The following ZCCHC14 variants were observed in gnomAD, a reference collection of about 807,000 sequenced individuals.
ZCCHC14 encodes the protein zinc finger CCHC domain-containing protein 14.
Under a neutral mutation model 85.0 loss-of-function variants are expected in ZCCHC14, and 16 were observed. The ratio of observed to expected loss-of-function variants is 0.19; its 90% CI spans 0.13 to 0.29. The LOEUF is 0.29. Ranked by LOEUF, ZCCHC14 falls within the 10% of genes least tolerant of loss-of-function variation. The pLI is 1.00. For synonymous variants in ZCCHC14, 775 were observed against 630.7 expected, an observed-to-expected ratio of 1.23 and a Z score of -3.43; for missense variants, 1,303 against 1,443.5, an observed-to-expected ratio of 0.90 and a Z score of 1.58.
chr16:87,420,545 A>T lies in ZCCHC14; in HGVS notation c.950+62T>A, dbSNP rs940295450. 3.6e-6 allele frequency: 5 copies of T among 1,393,930 alleles called. No homozygotes were observed. The African/African-American group carries it at 7.1e-5, about 20-fold the overall frequency. The allele number at this position is 1,393,930 out of a possible 1,614,324, so 86.3% of individuals were successfully genotyped here. On this transcript the variant is annotated intron_variant, in intron 5 of 12. Transcript: ENST00000671377. The surrounding 1 kb of genome is among the most constrained non-coding windows in gnomAD (Gnocchi z 5.0). ...AGCTCCTTGGAGGACCACAGCATTG[A>T]CCACAGGACCAGCCTGTCCTTGCCA...
Position 87,491,432 on chromosome 16 carries a change from G to C in ZCCHC14, c.570+237C>G, listed in dbSNP as rs1182891365. On this transcript the variant is annotated intron_variant, in intron 1 of 12. Coordinates refer to ENST00000671377, the MANE Select transcript of ZCCHC14 (RefSeq NM_015144.3). The surrounding 1 kb of genome is among the most constrained non-coding windows in gnomAD (Gnocchi z 5.9). ...CTTGGGATGTACGGCGGAGGCTTGG[G>C]ATGTACGGTGGAGGCTTGGAGAGGT... Among the ~76,000 whole-genome samples the C allele has an allele frequency of 6.7e-6, 1 of 149,284 alleles. No homozygotes were observed. Among genetic ancestry groups the C allele is most frequent in the Admixed American group, 6.6e-5 (1 of 15,134 alleles).
chr16:87,487,800 G>A lies in ZCCHC14; in HGVS notation c.570+3869C>T, dbSNP rs569128735. Among the ~76,000 whole-genome samples, 12 of 152,372 alleles carry A rather than the reference G, an allele frequency of 7.9e-5. No individual in the cohort carries two copies. In the South Asian group the frequency reaches 2.1e-3, roughly 26 times the overall value. ...TCTTCACACAGGGGAACGCCACTCG[G>A]CAGCGAAAGAGGAGGAAGTGCTGAC... On this transcript the variant is annotated intron_variant, in intron 1 of 12. Coordinates refer to ENST00000671377, the MANE Select transcript of ZCCHC14 (RefSeq NM_015144.3).
rs1467056113 is a variant in ZCCHC14, at chr16:87,420,974, G to C, written c.841-258C>G. ...ATCACAATGTTCCTTGAGCCCATCT[G>C]AGAGTTGCTGGGCCACTAAGTCAAC... On this transcript the variant is annotated intron_variant, in intron 4 of 12. Transcript: ENST00000671377. The surrounding 1 kb of genome is among the most constrained non-coding windows in gnomAD (Gnocchi z 5.0). 6.6e-6 allele frequency among the ~76,000 whole-genome samples: 1 copy of C among 152,256 alleles called. No homozygotes were observed. Among genetic ancestry groups the C allele is most frequent in the Non-Finnish European group, 1.5e-5 (1 of 68,044 alleles).
At chr16:87,451,019 C>G (rs1206937492) in intron 2 of ZCCHC14, among the ~76,000 whole-genome samples, 2 of 150,056 alleles carry the variant, frequency 1.3e-5, no homozygotes, top group East Asian at 4.0e-4. Context: ...CTGCCTTAGC[C>G]TCCCGAGTAG....
intron 1 of ZCCHC14, among the ~76,000 whole-genome samples, chr16:87,485,346 T>C (rs541566785): frequency 6.6e-6 from 1 of 152,376 alleles, no homozygotes; most frequent in Non-Finnish European, 1.5e-5. Flanking sequence ...TTGTTAGTTC[T>C]GGATGATCTC....
In ZCCHC14 at chr16:87,452,050, C is replaced by G. The variant is rs543089720; in HGVS notation, c.694+7958G>C. ...TGAGCCACCACGGACAAGCCGTAAG[C>G]AGGGGCGTGCAGTGACGCAGTGTGT... On this transcript the variant is annotated intron_variant, in intron 2 of 12. Transcript: ENST00000671377. Among the ~76,000 whole-genome samples the G allele has an allele frequency of 3.3e-5, 5 of 152,326 alleles. No individual in the cohort carries two copies. In the South Asian group the frequency reaches 1.0e-3, roughly 32 times the overall value.
intron 1 of ZCCHC14, among the ~76,000 whole-genome samples, chr16:87,475,484 C>T (rs996069701): frequency 7.8e-5 from 11 of 141,734 alleles, no homozygotes; most frequent in Non-Finnish European, 1.3e-4. Context: ...ACCCAGGAGT[C>T]GGAGGTTGCA....
intron 1 of ZCCHC14, among the ~76,000 whole-genome samples, chr16:87,481,151 G>A (rs1010980103): frequency 1.3e-5 from 2 of 152,138 alleles, no homozygotes; most frequent in African/African-American, 4.8e-5. Flanking sequence ...GTTACAGCGG[G>A]CAGACCCAGG....
chr16:87,418,713 C>T, intron 7 of ZCCHC14, 134 bp downstream of exon 7: 1 of 919,138 alleles, frequency 1.1e-6, no homozygotes, highest in Admixed American at 2.1e-5. Context: ...ATCATCTCTA[C>T]TCAATTCTTC....
At chr16:87,486,658 A>AAAAAAT (rs1000994830) in intron 1 of ZCCHC14, among the ~76,000 whole-genome samples, 2 of 152,356 alleles carry the variant, frequency 1.3e-5, no homozygotes, top group African/African-American at 2.4e-5. Context: ...GCAGCTGGCC[A>AAAAAAT]AAAAATAAAA....
chr16:87,442,903 G>C (rs372240247), intron 2 of ZCCHC14, among the ~76,000 whole-genome samples: 1 of 152,210 alleles, frequency 6.6e-6, no homozygotes, highest in East Asian at 1.9e-4. Context: ...TCTACATCCA[G>C]TCAAGGTGAA....
At chr16:87,478,494 G>A (rs1256984089) in intron 1 of ZCCHC14, among the ~76,000 whole-genome samples, 1 of 152,182 alleles carries the variant, frequency 6.6e-6, no homozygotes, top group African/African-American at 2.4e-5. Context: ...ATCTCCCAGA[G>A]GTGGTGTGCA....
At chr16:87,490,451 T>TC (rs1213381061) in intron 1 of ZCCHC14, among the ~76,000 whole-genome samples, 5 of 152,356 alleles carry the variant, frequency 3.3e-5, no homozygotes, top group African/African-American at 1.2e-4. Context: ...AGTAATCTCT[T>TC]CCGGCAGCAA....
intron 2 of ZCCHC14, among the ~76,000 whole-genome samples, chr16:87,447,615 C>T (rs1910505392): frequency 6.6e-6 from 1 of 152,204 alleles, no homozygotes; most frequent in Non-Finnish European, 1.5e-5. Flanking sequence ...TACTCATGGA[C>T]ATCTGGGTTG....
chr16:87,430,524 C>CTT (rs142361433), intron 3 of ZCCHC14, among the ~76,000 whole-genome samples: 4 of 143,248 alleles, frequency 2.8e-5, no homozygotes, highest in Non-Finnish European at 3.1e-5. Context: ...TGATTTCTTT[C>CTT]TTTTTTTTTT....
rs1272164466 is a variant in ZCCHC14 at position 87,411,949 on chromosome 16, C to T, written c.2772G>A (p.Val924=). 1.2e-6 allele frequency: 2 copies of T among 1,606,154 alleles called. No individual in the cohort carries two copies. The highest frequency in any genetic ancestry group is 1.7e-6 in the Non-Finnish European group (2 of 1,177,346). The change falls in exon 12 of 13, where the codon GTG becomes GTA. Residue 924 remains valine (V), a synonymous_variant. Transcript: ENST00000671377. ...TGCCGCTGCAGCCACAGGACGTGCA[C>T]ACAATGCAGCCTGGCGGGGGTGGGG... ...QPAPPPPGCI[V]CTSCGCSGSC... is the part of the protein sequence containing the mutation.
chr16:87,411,440 C>G (rs1437787349), intron 12 of ZCCHC14, 76 bp downstream of exon 12: 1 of 1,558,784 alleles, frequency 6.4e-7, no homozygotes, highest in African/African-American at 1.4e-5. Context: ...AAGAAGTTTA[C>G]TCTTCATAAA....
chr16:87,492,917 G>GCGGCGACGGCGACGGCGACGGCGA lies in ZCCHC14; in HGVS notation c.-703_-680dup, dbSNP rs551285359. On this transcript the variant is annotated 5_prime_UTR_variant, in exon 1 of 13. Coordinates refer to ENST00000671377, the MANE Select transcript of ZCCHC14 (RefSeq NM_015144.3). The surrounding 1 kb of genome is among the most constrained non-coding windows in gnomAD (Gnocchi z 6.7). ...GGATCCGGGCCCGAGCGCGGCGGCG[G>GCGGCGACGGCGACGGCGACGGCGA]CGGCGACGGCGACGGCGACGGCGAC... Among the ~76,000 whole-genome samples the GCGGCGACGGCGACGGCGACGGCGA allele has an allele frequency of 2.7e-4, 39 of 145,324 alleles. No individual in the cohort carries two copies. Among genetic ancestry groups the GCGGCGACGGCGACGGCGACGGCGA allele is most frequent in the African/African-American group, 5.9e-4 (23 of 39,088 alleles).
chr16:87,481,692 A>T (rs1399713113), intron 1 of ZCCHC14, among the ~76,000 whole-genome samples: 1 of 152,144 alleles, frequency 6.6e-6, no homozygotes, highest in Admixed American at 6.5e-5. Flanking sequence ...GGACTTGGTC[A>T]TAAACCAGCT....
Sources: gnomAD v4.1 joint callset for allele counts (sites outside exome capture counted in the v4.1 genomes callset) on GRCh38, gnomAD v4.1.1 for gene constraint, Gnocchi (gnomAD v3.1) non-coding constraint, MANE v1.5 for transcripts, NCBI Gene and HGNC (gene_info 2026-07-23, HGNC 2026-07-21) for gene names.